The following FGF7 variants were observed in gnomAD, a reference collection of about 807,000 sequenced individuals.
FGF7 encodes fibroblast growth factor 7.
A neutral mutation model predicts 20.5 loss-of-function variants in FGF7; 6 were observed. That is an observed-to-expected ratio of 0.29 (90% CI 0.16 to 0.58). The LOEUF (loss-of-function observed/expected upper bound fraction) is 0.58, where lower values mean the gene tolerates loss of function less well. FGF7 is among the 20% of genes least tolerant of loss of function. The pLI is 0.90. For synonymous variants in FGF7, 64 were observed against 74.7 expected, an observed-to-expected ratio of 0.86 and a Z score of 0.74; for missense variants, 144 against 228.8, an observed-to-expected ratio of 0.63 and a Z score of 2.39.
At chr15:49,429,086 C>A (rs1275765300) in intron 2 of FGF7, among the ~76,000 whole-genome samples, 1 of 151,974 alleles carries the variant, frequency 6.6e-6, no homozygotes, top group Non-Finnish European at 1.5e-5. Flanking sequence ...ATATTCTAAA[C>A]AGTTCTTAGC....
At chr15:49,484,127 C>A (rs911694390) in intron 3 of FGF7, among the ~76,000 whole-genome samples, 183 bp from the exon 4 acceptor site, 1 of 151,932 alleles carries the variant, frequency 6.6e-6, no homozygotes, top group African/African-American at 2.4e-5. Flanking sequence ...ATTTAAGATA[C>A]CTTTTTATGC....
chr15:49,438,563 C>T (rs951540154), intron 2 of FGF7, among the ~76,000 whole-genome samples: 4 of 151,540 alleles, frequency 2.6e-5, no homozygotes, highest in African/African-American at 9.7e-5. Context: ...TATTAATACA[C>T]ATTATATATA....
intron 2 of FGF7, chr15:49,434,426 T>G (rs2050901056): frequency 6.6e-6 from 1 of 151,308 alleles, no homozygotes; most frequent in Non-Finnish European, 1.5e-5. Context: ...TCAGAGTGAG[T>G]AAGTTTAGGG....
intron 2 of FGF7, among the ~76,000 whole-genome samples, chr15:49,470,220 C>CT (rs2054615475): frequency 1.3e-5 from 2 of 150,094 alleles, no homozygotes; most frequent in South Asian, 4.3e-4. Context: ...TGTGAGAATA[C>CT]TTTAAGTGGC....
At chr15:49,479,928 C>T (rs1230938409) in intron 2 of FGF7, among the ~76,000 whole-genome samples, 2 of 152,088 alleles carry the variant, frequency 1.3e-5, no homozygotes, top group African/African-American at 2.4e-5. Context: ...GTTAACACTT[C>T]TATAAATATT....
chr15:49,440,958 C>T (rs1392523655), intron 2 of FGF7, among the ~76,000 whole-genome samples: 1 of 151,784 alleles, frequency 6.6e-6, no homozygotes, highest in African/African-American at 2.4e-5. Flanking sequence ...AACAAGAAAA[C>T]TCAACCTGCT....
At chr15:49,480,312 T>G (rs1437580996) in intron 2 of FGF7, among the ~76,000 whole-genome samples, 1 of 152,020 alleles carries the variant, frequency 6.6e-6, no homozygotes, top group Non-Finnish European at 1.5e-5. Flanking sequence ...TTTATTTATT[T>G]ATTTATCTAT....
chr15:49,476,379 T>C (rs2055323773), intron 2 of FGF7, among the ~76,000 whole-genome samples: 1 of 151,964 alleles, frequency 6.6e-6, no homozygotes, highest in East Asian at 1.9e-4. Context: ...ATCAAGTTTC[T>C]AAAATATTAC....
intron 2 of FGF7, among the ~76,000 whole-genome samples, chr15:49,430,999 C>G (rs2050565905): frequency 6.6e-6 from 1 of 150,836 alleles, no homozygotes; most frequent in African/African-American, 2.4e-5. Context: ...TTCTAAGGAT[C>G]ATAGCTTTCT....
At chr15:49,463,245 T>A (rs7174135) in intron 2 of FGF7, among the ~76,000 whole-genome samples, 38,642 of 152,014 alleles carry the variant, frequency 0.25, 5,767 homozygotes, top group Non-Finnish European at 0.35. Flanking sequence ...TGGCTTACCA[T>A]CCTCTACAGA....
chr15:49,427,100 C>T (rs1190866235), intron 2 of FGF7, among the ~76,000 whole-genome samples: 1 of 151,838 alleles, frequency 6.6e-6, no homozygotes, highest in Non-Finnish European at 1.5e-5. Flanking sequence ...TTCTGATAGC[C>T]ATTTCCTATT....
intron 2 of FGF7, among the ~76,000 whole-genome samples, chr15:49,433,488 A>G (rs2050800475): frequency 6.6e-6 from 1 of 151,790 alleles, no homozygotes; most frequent in Admixed American, 6.6e-5. Context: ...TAAGAAATAG[A>G]TTACTAAATT....
chr15:49,436,378 T>C (rs941188813), intron 2 of FGF7, among the ~76,000 whole-genome samples: 6 of 151,616 alleles, frequency 4.0e-5, no homozygotes, highest in African/African-American at 7.3e-5. Context: ...AGTTCATATA[T>C]AGAATCTTGC....
intron 2 of FGF7, among the ~76,000 whole-genome samples, chr15:49,435,680 A>C (rs1213566348): frequency 1.3e-5 from 2 of 151,546 alleles, no homozygotes; most frequent in African/African-American, 4.8e-5. Context: ...ATTGAATAAT[A>C]ATAGATACCC....
At chr15:49,482,766 A>G (rs11852293) in intron 2 of FGF7, among the ~76,000 whole-genome samples, 46,512 of 151,890 alleles carry the variant, frequency 0.31, 8,295 homozygotes, top group East Asian at 0.42. Context: ...ATCTGTGGTT[A>G]TGAGTAAATG....
chr15:49,458,405 CTTGTGTTT>C (rs2053509446), intron 2 of FGF7, among the ~76,000 whole-genome samples: 1 of 152,030 alleles, frequency 6.6e-6, no homozygotes, highest in Non-Finnish European at 1.5e-5. Flanking sequence ...GCATAGTTAA[CTTGTGTTT>C]CTAATTAATT....
In FGF7 at chr15:49,423,414, T is replaced by C. The variant is rs1224944016; in HGVS notation, c.-293T>C. 6.6e-6 allele frequency: 1 copy of C among 152,220 alleles called. No individual in the cohort carries two copies. Among genetic ancestry groups the C allele is most frequent in the Non-Finnish European group, 1.5e-5 (1 of 68,036 alleles). The allele number at this position is 152,220 out of a possible 1,614,324, so 9.4% of individuals were successfully genotyped here. A position where few individuals can be genotyped will look rare whatever the true frequency, so the allele number is the denominator to read the frequency against. On this transcript the variant is annotated 5_prime_UTR_variant, in exon 1 of 4. Coordinates refer to ENST00000267843, the MANE Select transcript of FGF7 (RefSeq NM_002009.4). ...GCAGACAACAGACATGGAATTCTTA[T>C]ATATCCAGCTGTTAGCAACAAAACA...
At chr15:49,476,229 T>C (rs916111775) in intron 2 of FGF7, among the ~76,000 whole-genome samples, 2 of 109,420 alleles carry the variant, frequency 1.8e-5, no homozygotes, top group African/African-American at 6.6e-5. Flanking sequence ...TTTTTTGTTT[T>C]TGGTTTTTTT....
chr15:49,477,298 T>C (rs907663369), intron 2 of FGF7, among the ~76,000 whole-genome samples: 9 of 152,222 alleles, frequency 5.9e-5, no homozygotes, highest in African/African-American at 2.2e-4. Flanking sequence ...CAGAATAGTT[T>C]CACTGATTTA....
Sources: gnomAD v4.1 joint callset for allele counts (sites outside exome capture counted in the v4.1 genomes callset) on GRCh38, gnomAD v4.1.1 for gene constraint, MANE v1.5 for transcripts, NCBI Gene and HGNC (gene_info 2026-07-23, HGNC 2026-07-21) for gene names.